Variants in LTBP3 observed in about 807,000 individuals in gnomAD.
LTBP3 encodes the protein latent-transforming growth factor beta-binding protein 3.
Under a neutral mutation model 159.7 loss-of-function variants are expected in LTBP3, and 97 were observed. The ratio of observed to expected loss-of-function variants is 0.61; its 90% CI spans 0.52 to 0.72. The LOEUF is 0.72. Ranked by LOEUF, LTBP3 falls within the 30% of genes least tolerant of loss-of-function variation. The pLI, the probability that LTBP3 is intolerant of heterozygous loss-of-function variation, is 0.00. For missense variants in LTBP3, 1,584 were observed against 1,864.3 expected, an observed-to-expected ratio of 0.85 and a Z score of 2.77; for synonymous variants, 824 against 777.1, an observed-to-expected ratio of 1.06 and a Z score of -1.00.
At position 65,538,716 on chromosome 11, in the gene LTBP3, G is replaced by GA. The variant is rs1855876077; in HGVS notation, c.*363_*364insT. On this transcript the variant is annotated 3_prime_UTR_variant, in exon 28 of 28. Coordinates refer to ENST00000301873, the MANE Select transcript of LTBP3 (RefSeq NM_001130144.3). ...AATTCTATTTCACACCCCTTGTGCC[G>GA]GGCTCAGTCTAGCCCCTGGGAGGCG... is the stretch of plus-strand genomic sequence containing the variant. 4.4e-6 allele frequency: 5 copies of GA among 1,136,978 alleles called. No homozygotes were observed. In the African/African-American group the frequency reaches 7.8e-5, roughly 18 times the overall value. 70.4% of individuals were successfully genotyped at this position (1,136,978 alleles called of 1,614,324 possible).
intron 1 of LTBP3, among the ~76,000 whole-genome samples, chr11:65,555,310 C>T (rs1856768692): frequency 6.6e-6 from 1 of 152,184 alleles, no homozygotes; most frequent in South Asian, 2.1e-4. Flanking sequence ...TCTGCTCCTT[C>T]CCTGTGTACT....
In LTBP3 at chr11:65,554,409, AC is replaced by A; in HGVS notation, c.332-30del. ...GGGAGAAGAGTGGGGTCAGGCCCTCACCCACATCCTGTCTCTTTCCCCTCCT... is the reference window on the plus strand; with the variant it reads ...GGGAGAAGAGTGGGGTCAGGCCCTCACCACATCCTGTCTCTTTCCCCTCCT... On this transcript the variant is annotated intron_variant, in intron 1 of 27. Transcript: ENST00000301873. The surrounding 1 kb of genome is among the most constrained non-coding windows in gnomAD (Gnocchi z 5.3). 1 of 1,563,544 alleles carries A rather than the reference AC, an allele frequency of 6.4e-7. No homozygotes were observed. Among genetic ancestry groups the A allele is most frequent in the Middle Eastern group, 1.7e-4 (1 of 5,956 alleles).
chr11:65,546,523 A>C lies in LTBP3; in HGVS notation c.2272T>G (p.Trp758Gly), dbSNP rs763648441. The change falls in exon 16 of 28, where the codon TGG becomes GGG. Residue 758 changes from tryptophan to glycine, a missense_variant. Coordinates refer to ENST00000301873, the MANE Select transcript of LTBP3 (RefSeq NM_001130144.3). The surrounding 1 kb of genome is among the most constrained non-coding windows in gnomAD (Gnocchi z 4.0). ...CAEGSPCSPG[W>G]CENLPGSFRC... ...AAGGAGCCCGGGAGGTTCTCGCACC[A>C]GCCAGGCGAGCAGGGGCTGCCCTCG... The C allele has an allele frequency of 7.5e-6, 12 of 1,601,530 alleles. No homozygotes were observed. The East Asian group carries it at 2.7e-4, about 36-fold the overall frequency.
At position 65,543,221 on chromosome 11, in the gene LTBP3, A is replaced by G. The variant is rs1339892441; in HGVS notation, c.2480T>C (p.Ile827Thr). Reference sequence around the variant, plus strand: ...GGCTGCAGGGAAGTCACACTCATCAATGTCTGTAGGGGATGGAAGGGGTGG... The same window carrying G: ...GGCTGCAGGGAAGTCACACTCATCAGTGTCTGTAGGGGATGGAAGGGGTGG... ...LSRDRSHCED[I>T]DECDFPAACI... The change falls in exon 18 of 28, where the codon ATT (isoleucine) becomes ACT (threonine). Residue 827 changes from isoleucine (I) to threonine (T), a missense_variant. This residue lies in a region of LTBP3 where 565 missense variants were observed against 677.7 expected (regional missense o/e 0.83). Coordinates refer to ENST00000301873, the MANE Select transcript of LTBP3 (RefSeq NM_001130144.3). The G allele has an allele frequency of 1.9e-6, 3 of 1,613,954 alleles. No homozygotes were observed. The highest frequency in any genetic ancestry group is 2.2e-5 in the East Asian group (1 of 44,894).
intron 1 of LTBP3, among the ~76,000 whole-genome samples, chr11:65,557,194 T>C (rs1285577271): frequency 4.6e-5 from 7 of 152,288 alleles, no homozygotes; most frequent in African/African-American, 1.7e-4. Flanking sequence ...GTGTCTACTC[T>C]GGCAGGCCCT....
In LTBP3 at chr11:65,541,715, G is replaced by A; in HGVS notation, c.2610C>T (p.Cys870=). ...GGRKCQDIDE[C]SQDPSLCLPH... ...GAAGGCACAGGCTCGGGTCCTGGCT[G>A]CACTCATCTATGTCTGCGGGGCAAG... is the stretch of plus-strand genomic sequence containing the variant. Residue 870 remains cysteine, a synonymous_variant, in exon 19 of 28, where the codon TGC becomes TGT. Transcript: ENST00000301873. 1 of 1,614,074 alleles carries A rather than the reference G, an allele frequency of 6.2e-7. No individual in the cohort carries two copies. Among genetic ancestry groups the A allele is most frequent in the Non-Finnish European group, 8.5e-7 (1 of 1,179,968 alleles).
chr11:65,538,729 C>A lies in LTBP3; in HGVS notation c.*351G>T. Reference sequence around the variant, plus strand: ...ACCCCTTGTGCCGGGCTCAGTCTAGCCCCTGGGAGGCGGCTGGGGTCTGGC... The same window carrying A: ...ACCCCTTGTGCCGGGCTCAGTCTAGACCCTGGGAGGCGGCTGGGGTCTGGC... On this transcript the variant is annotated 3_prime_UTR_variant, in exon 28 of 28. Coordinates refer to ENST00000301873, the MANE Select transcript of LTBP3 (RefSeq NM_001130144.3). 9.4e-7 allele frequency: 1 copy of A among 1,069,330 alleles called. No individual in the cohort carries two copies. The highest frequency in any genetic ancestry group is 1.3e-6 in the Non-Finnish European group (1 of 767,058). 66.2% of individuals were successfully genotyped at this position (1,069,330 alleles called of 1,614,324 possible). A position where few individuals can be genotyped will look rare whatever the true frequency, so the allele number is the denominator to read the frequency against.
Position 65,557,777 on chromosome 11 carries a change from G to C in LTBP3, c.183C>G (p.Arg61=). 6.3e-7 allele frequency: 1 copy of C among 1,597,034 alleles called. No homozygotes were observed. Among genetic ancestry groups the C allele is most frequent in the Non-Finnish European group, 8.5e-7 (1 of 1,177,950 alleles). ...TCACCGGCGCAAAGACCACCTTGAA[G>C]CGCTCGCGGGCCAGCGCCCCGCCCC... ...AGGGGALARE[R]FKVVFAPVIC... Residue 61 remains arginine, a synonymous_variant, in exon 1 of 28, where the codon CGC becomes CGG. Transcript: ENST00000301873.
Position 65,539,602 on chromosome 11 carries a change from C to T in LTBP3, c.3574G>A (p.Glu1192Lys), listed in dbSNP as rs1265250025. Reference protein sequence around the residue: ...AGSHCPTSQSESNSFWDTSPL... With the variant: ...AGSHCPTSQSKSNSFWDTSPL... ...CTTGTGTCCCAGAAGGAATTGCTCT[C>T]GCTCTGCGATGTCGGGCAATGGGAC... The change falls in exon 26 of 28, where the codon GAG becomes AAG. Residue 1192 changes from glutamate to lysine, a missense_variant. This residue lies in a region of LTBP3 where 514 missense variants were observed against 530.3 expected (regional missense o/e 0.97). Coordinates refer to ENST00000301873, the MANE Select transcript of LTBP3 (RefSeq NM_001130144.3). The T allele has an allele frequency of 1.2e-6, 2 of 1,612,288 alleles. No individual in the cohort carries two copies. Among genetic ancestry groups the T allele is most frequent in the Admixed American group, 1.7e-5 (1 of 59,942 alleles).
Position 65,551,956 on chromosome 11 carries a change from A to G in LTBP3, c.1531+16T>C, listed in dbSNP as rs769328459. The stretch of plus-strand genomic sequence containing the variant: ...GGCTTGGCATGGGTCAGGGATCAGA[A>G]GGGGTCAGGCTAGACCTCTCTCTTC... On this transcript the variant is annotated intron_variant, in intron 8 of 27. Transcript: ENST00000301873. 1 of 1,613,496 alleles carries G rather than the reference A, an allele frequency of 6.2e-7. No homozygotes were observed. Among genetic ancestry groups the G allele is most frequent in the South Asian group, 1.1e-5 (1 of 91,080 alleles).
chr11:65,553,645 G>T lies in LTBP3; in HGVS notation c.864+56C>A. ...CAGTTTTCTGCTATCCGAGTGAGTTGGGGCAGAGCAACCCTGAGAGAAGGA... is the reference window on the plus strand; with the variant it reads ...CAGTTTTCTGCTATCCGAGTGAGTTTGGGCAGAGCAACCCTGAGAGAAGGA... On this transcript the variant is annotated intron_variant, in intron 3 of 27. Coordinates refer to ENST00000301873, the MANE Select transcript of LTBP3 (RefSeq NM_001130144.3). This position sits in a 1 kb window ranked among gnomAD's most constrained non-coding sequence, Gnocchi z 6.5. The T allele has an allele frequency of 6.5e-7, 1 of 1,532,180 alleles. No individual in the cohort carries two copies. The highest frequency in any genetic ancestry group is 8.8e-7 in the Non-Finnish European group (1 of 1,135,692). 94.9% of individuals were successfully genotyped at this position (1,532,180 alleles called of 1,614,324 possible).
rs530601538 is a variant in LTBP3, at chr11:65,552,261, T to C, written c.1332A>G (p.Pro444=). Reference sequence around the variant, plus strand: ...ACCCTGACTCACCGGTGCCATCTGTTGGGCAGCGCTGACACCGCGCGCCCC... The same window carrying C: ...ACCCTGACTCACCGGTGCCATCTGTCGGGCAGCGCTGACACCGCGCGCCCC... ...KAWGARCQRC[P]TDGTAAFKEI... The change falls in exon 7 of 28, where the codon CCA becomes CCG. Residue 444 remains proline (P), a synonymous_variant. Transcript: ENST00000301873. This position sits in a 1 kb window ranked among gnomAD's most constrained non-coding sequence, Gnocchi z 6.0. The C allele has an allele frequency of 6.3e-5, 101 of 1,614,146 alleles. 1 individual carries two copies. In the South Asian group the frequency reaches 9.8e-4, roughly 16 times the overall value.
At position 65,543,121 on chromosome 11, in the gene LTBP3, A is replaced by G. The variant is rs766750002; in HGVS notation, c.2580T>C (p.Gly860=). ...CLCPQGHRLV[G]GRKCQDIDEC... is the part of the protein sequence containing the mutation. Reference sequence around the variant, plus strand: ...CCCCCATACCTTGGCATTTCCTGCCACCCACCAGCCGATGCCCCTGGGGGC... The same window carrying G: ...CCCCCATACCTTGGCATTTCCTGCCGCCCACCAGCCGATGCCCCTGGGGGC... Residue 860 remains glycine, a synonymous_variant, in exon 18 of 28, where the codon GGT becomes GGC. Coordinates refer to ENST00000301873, the MANE Select transcript of LTBP3 (RefSeq NM_001130144.3). 1 of 1,613,576 alleles carries G rather than the reference A, an allele frequency of 6.2e-7. No individual in the cohort carries two copies. The highest frequency in any genetic ancestry group is 1.3e-5 in the African/African-American group (1 of 74,904).
Position 65,548,054 on chromosome 11 carries a change from A to G in LTBP3, c.1721-9T>C, listed in dbSNP as rs1418519380. 5.0e-6 allele frequency: 8 copies of G among 1,613,742 alleles called. No individual in the cohort carries two copies. Among genetic ancestry groups the G allele is most frequent in the Non-Finnish European group, 6.8e-6 (8 of 1,179,984 alleles). On this transcript the variant is annotated splice_polypyrimidine_tract_variant and intron_variant, in intron 11 of 27. Transcript: ENST00000301873. ...TCGGCACTCATCAGTCTCTGCGGGC[A>G]TGGCCAGGTCAAGCGGCAGAGCAGG...
At position 65,545,164 on chromosome 11, in the gene LTBP3, G is replaced by T. The variant is rs1441902980; in HGVS notation, c.2353+1278C>A. On this transcript the variant is annotated intron_variant, in intron 16 of 27. Transcript: ENST00000301873. Reference sequence around the variant, plus strand: ...CATCCTCCTCCTTCCCTGGAAATATGTCCTCCCCAGCTTCCCAGATGGTGC... The same window carrying T: ...CATCCTCCTCCTTCCCTGGAAATATTTCCTCCCCAGCTTCCCAGATGGTGC... 2.7e-5 allele frequency: 5 copies of T among 181,970 alleles called. No individual in the cohort carries two copies. The East Asian group carries it at 4.5e-4, about 16-fold the overall frequency. The allele number at this position is 181,970 out of a possible 1,614,324, so 11.3% of individuals were successfully genotyped here. A position where few individuals can be genotyped will look rare whatever the true frequency, so the allele number is the denominator to read the frequency against.
chr11:65,547,307 G>A lies in LTBP3; in HGVS notation c.2107+132C>T, dbSNP rs186511849. 4.6e-6 allele frequency: 5 copies of A among 1,090,952 alleles called. No homozygotes were observed. The highest frequency in any genetic ancestry group is 1.6e-5 in the African/African-American group (1 of 62,890). The allele number at this position is 1,090,952 out of a possible 1,614,324, so 67.6% of individuals were successfully genotyped here. On this transcript the variant is annotated intron_variant, in intron 14 of 27. Transcript: ENST00000301873. This position sits in a 1 kb window ranked among gnomAD's most constrained non-coding sequence, Gnocchi z 4.6. Reference sequence around the variant, plus strand: ...TGCAGTGAGCCAAGATCTCACCACCGCACTCCAGCCTGGGCGACAGAGTGA... The same window carrying A: ...TGCAGTGAGCCAAGATCTCACCACCACACTCCAGCCTGGGCGACAGAGTGA...
Position 65,551,424 on chromosome 11 carries a change from C to T in LTBP3, c.1599G>A (p.Thr533=), listed in dbSNP as rs754940071. ...CACCGGGGTAGGGCCGGGCAGGAGTCGTGGTGGCAGTTGGGTGGCTCTGCT... is the reference window on the plus strand; with the variant it reads ...CACCGGGGTAGGGCCGGGCAGGAGTTGTGGTGGCAGTTGGGTGGCTCTGCT... The part of the protein sequence containing the change: ...SVQQSHPTAT[T]TPARPYPELI... The change falls in exon 10 of 28, where the codon ACG becomes ACA. Residue 533 remains threonine (T), a synonymous_variant. Transcript: ENST00000301873. 2.5e-5 allele frequency: 41 copies of T among 1,613,762 alleles called. No individual in the cohort carries two copies. Among genetic ancestry groups the T allele is most frequent in the African/African-American group, 1.2e-4 (9 of 75,020 alleles).
At position 65,557,816 on chromosome 11, in the gene LTBP3, C is replaced by T. The variant is rs559277223; in HGVS notation, c.144G>A (p.Glu48=). 6.7e-7 allele frequency: 1 copy of T among 1,488,086 alleles called. No homozygotes were observed. Among genetic ancestry groups the T allele is most frequent in the Non-Finnish European group, 8.9e-7 (1 of 1,121,474 alleles). The allele number at this position is 1,488,086 out of a possible 1,614,324, so 92.2% of individuals were successfully genotyped here. Residue 48 remains glutamate (E), a synonymous_variant, in exon 1 of 28, where the codon GAG becomes GAA. Coordinates refer to ENST00000301873, the MANE Select transcript of LTBP3 (RefSeq NM_001130144.3). ...GCGCCCCGCCCCCGCCTGCGCCCCG[C>T]TCGCCGGCCGGCCCCCCCTCGACCC... ...GGRVEGGPAG[E]RGAGGGGALA...
At chr11:65,540,193 C>CGGCCCG in intron 23 of LTBP3, 40 bp from the exon 24 acceptor site, 1 of 1,541,478 alleles carries the variant, frequency 6.5e-7, no homozygotes, top group Non-Finnish European at 8.7e-7. Flanking sequence ...CGTCACAGCT[C>CGGCCCG]GGCCCGGGCC....
Sources: gnomAD v4.1 joint callset for allele counts (sites outside exome capture counted in the v4.1 genomes callset) on GRCh38, gnomAD v4.1.1 for gene constraint, gnomAD v4.1.1 regional missense constraint, Gnocchi (gnomAD v3.1) non-coding constraint, MANE v1.5 for transcripts, NCBI Gene and HGNC (gene_info 2026-07-23, HGNC 2026-07-21) for gene names.